Variants in COL19A1 observed in about 807,000 individuals in gnomAD.
COL19A1 encodes collagen alpha-1(XIX) chain.
A neutral mutation model predicts 190.2 loss-of-function variants in COL19A1; 159 were observed. The ratio of observed to expected loss-of-function variants is 0.84; its 90% CI spans 0.73 to 0.95. The LOEUF is 0.95. Ranked by LOEUF, COL19A1 falls within the 40% of genes least tolerant of loss-of-function variation. The probability of loss-of-function intolerance (pLI) is 0.00; values close to 1 mark genes in which losing one functional copy is unlikely to be tolerated. For missense variants in COL19A1, 1,418 were observed against 1,431.9 expected (o/e 0.99, Z 0.16); for synonymous variants, 509 against 458.9 (o/e 1.11, Z -1.39).
At chr6:70,202,600 C>T (rs918867957) in intron 49 of COL19A1, among the ~76,000 whole-genome samples, 1 of 152,098 alleles carries the variant, frequency 6.6e-6, no homozygotes, top group Non-Finnish European at 1.5e-5. Context: ...AAAGGGGTTT[C>T]ATAAGGTTTC....
chr6:70,028,967 G>A (rs939757999), intron 12 of COL19A1, among the ~76,000 whole-genome samples: 3 of 152,052 alleles, frequency 2.0e-5, no homozygotes, highest in Non-Finnish European at 2.9e-5. Context: ...TAGAAAAGTA[G>A]ACTTAATTGT....
rs1774792715 is a variant in COL19A1 at position 69,961,435 on chromosome 6, T to C, written c.982-1391T>C. On this transcript the variant is annotated intron_variant, in intron 10 of 50. Coordinates refer to ENST00000620364, the MANE Select transcript of COL19A1 (RefSeq NM_001858.6). ...AAGCCAAGGGATGTGCAGATTTATC[T>C]GCTGGGAAATAGTTTTGGACTTTCC... 3.3e-5 allele frequency among the ~76,000 whole-genome samples: 5 copies of C among 152,362 alleles called. No homozygotes were observed. In the South Asian group the frequency reaches 8.3e-4, roughly 25 times the overall value.
chr6:70,176,661 C>T (rs1374833250), intron 42 of COL19A1, 97 bp downstream of exon 42: 3 of 1,092,576 alleles, frequency 2.7e-6, no homozygotes, highest in African/African-American at 3.2e-5. Flanking sequence ...GAGAGCATAC[C>T]ATAACTCCCA....
intron 42 of COL19A1, among the ~76,000 whole-genome samples, chr6:70,177,107 C>CA (rs1245207871): frequency 1.3e-5 from 2 of 152,136 alleles, no homozygotes; most frequent in Non-Finnish European, 2.9e-5. Flanking sequence ...AAGGCCTTTT[C>CA]AAATGAATAG....
At chr6:70,017,269 A>T (rs1778164799) in intron 11 of COL19A1, among the ~76,000 whole-genome samples, 1 of 152,148 alleles carries the variant, frequency 6.6e-6, no homozygotes, top group African/African-American at 2.4e-5. Flanking sequence ...TGAAATTTCT[A>T]GAAAAAAGCA....
At chr6:69,931,239 GA>G (rs1216662207) in intron 6 of COL19A1, among the ~76,000 whole-genome samples, 2 of 151,796 alleles carry the variant, frequency 1.3e-5, no homozygotes, top group East Asian at 1.9e-4. Context: ...CTGATATGAA[GA>G]TTTTTTTTTA....
chr6:69,970,713 A>G (rs1364428298), intron 11 of COL19A1, among the ~76,000 whole-genome samples: 1 of 152,220 alleles, frequency 6.6e-6, no homozygotes, highest in Non-Finnish European at 1.5e-5. Flanking sequence ...GCAGAGTTCT[A>G]CTGAACATCA....
At chr6:70,105,023 G>A (rs1177759744) in intron 16 of COL19A1, among the ~76,000 whole-genome samples, 1 of 152,088 alleles carries the variant, frequency 6.6e-6, no homozygotes, top group African/African-American at 2.4e-5. Context: ...GGGGAGAGAG[G>A]TGCTTATTTT....
chr6:70,074,562 A>G (rs1020113340), intron 15 of COL19A1, among the ~76,000 whole-genome samples: 3 of 151,658 alleles, frequency 2.0e-5, no homozygotes, highest in Non-Finnish European at 4.4e-5. Flanking sequence ...AGCTTATTCC[A>G]AGTTACCAAC....
At chr6:69,921,475 T>TATTCATATAG (rs1771887796) in intron 4 of COL19A1, among the ~76,000 whole-genome samples, 1 of 20,872 alleles carries the variant, frequency 4.8e-5, no homozygotes, top group African/African-American at 5.7e-4. Flanking sequence ...TATATTCATA[T>TATTCATATAG]ATTCATATAT....
At chr6:69,904,273 C>T (rs760732958) in intron 4 of COL19A1, among the ~76,000 whole-genome samples, 1 of 152,224 alleles carries the variant, frequency 6.6e-6, no homozygotes, top group Non-Finnish European at 1.5e-5. Flanking sequence ...CTCACAGTTT[C>T]TAGTATCTCT....
intron 15 of COL19A1, among the ~76,000 whole-genome samples, chr6:70,082,879 G>A (rs1279592754): frequency 6.6e-6 from 1 of 152,182 alleles, no homozygotes. Context: ...CTCATAAGGA[G>A]CGTGTAGCCT....
At chr6:69,959,635 T>A (rs868067749) in intron 9 of COL19A1, among the ~76,000 whole-genome samples, 3 of 152,294 alleles carry the variant, frequency 2.0e-5, no homozygotes, top group Middle Eastern at 3.4e-3. Flanking sequence ...GAAAGCACGA[T>A]GTCAGACTTC....
intron 29 of COL19A1, 27 bp from the exon 30 acceptor site, chr6:70,149,965 A>C (rs371531783): frequency 2.3e-5 from 37 of 1,613,614 alleles, no homozygotes; most frequent in East Asian, 1.1e-4. Flanking sequence ...ACGTGCAAAG[A>C]TTGAACATGG....
chr6:70,159,721 A>G (rs1317647531), intron 34 of COL19A1, among the ~76,000 whole-genome samples: 4 of 152,282 alleles, frequency 2.6e-5, no homozygotes, highest in South Asian at 2.1e-4. Context: ...GATAATCAAT[A>G]TGCAGTAATG....
intron 11 of COL19A1, among the ~76,000 whole-genome samples, chr6:69,997,142 CA>C (rs1776965108): frequency 6.6e-6 from 1 of 151,506 alleles, no homozygotes; most frequent in Non-Finnish European, 1.5e-5. Flanking sequence ...ATAAGCCCAG[CA>C]AAAAGAAAAA....
chr6:69,919,952 C>T (rs1408848611), intron 4 of COL19A1, among the ~76,000 whole-genome samples: 1 of 151,938 alleles, frequency 6.6e-6, no homozygotes, highest in African/African-American at 2.4e-5. Flanking sequence ...TGAGGGGGTG[C>T]AGTATGTGCC....
chr6:69,909,519 G>C (rs1385900240), intron 4 of COL19A1, among the ~76,000 whole-genome samples: 1 of 152,080 alleles, frequency 6.6e-6, no homozygotes, highest in Non-Finnish European at 1.5e-5. Context: ...AAACTGAAGA[G>C]ACTACTGAGA....
intron 18 of COL19A1, among the ~76,000 whole-genome samples, chr6:70,133,101 T>A (rs1056521552): frequency 6.6e-6 from 1 of 152,208 alleles, no homozygotes; most frequent in Non-Finnish European, 1.5e-5. Context: ...TAGCACCTGG[T>A]CTTGCTCATC....
Sources: gnomAD v4.1 joint callset for allele counts (sites outside exome capture counted in the v4.1 genomes callset) on GRCh38, gnomAD v4.1.1 for gene constraint, MANE v1.5 for transcripts, NCBI Gene and HGNC (gene_info 2026-07-23, HGNC 2026-07-21) for gene names.